Variants in FAM98C observed in about 807,000 individuals in gnomAD.
FAM98C encodes the protein protein FAM98C.
A neutral mutation model predicts 41.1 loss-of-function variants in FAM98C; 38 were observed. That is an observed-to-expected ratio of 0.92 (90% CI 0.71 to 1.21). FAM98C has a LOEUF of 1.21. Among genes scored for constraint, FAM98C ranks in the 50% most tolerant of loss-of-function variants. The probability of loss-of-function intolerance (pLI) is 0.00; values close to 1 mark genes in which losing one functional copy is unlikely to be tolerated. For synonymous variants in FAM98C, 195 were observed against 216.7 expected (o/e 0.90, Z 0.88); for missense variants, 493 against 484.7 (o/e 1.02, Z -0.16).
At position 38,405,004 on chromosome 19, in the gene FAM98C, AGGGAGCCGGCAT is replaced by A. The variant is rs1341763133; in HGVS notation, c.449_460del (p.Gly150_Met153del). ...CCACCCCTTGGTGAAGGGGTAGTGGAGGGAGCCGGCATGGTCCAAGAACTGGACCTTACCCTC... is the reference window on the plus strand; with the variant it reads ...CCACCCCTTGGTGAAGGGGTAGTGGAGGTCCAAGAACTGGACCTTACCCTC... On this transcript the variant is annotated inframe_deletion, in exon 4 of 8. Coordinates refer to ENST00000252530, the MANE Select transcript of FAM98C (RefSeq NM_174905.4). 2 of 1,614,012 alleles carry A rather than the reference AGGGAGCCGGCAT, an allele frequency of 1.2e-6. No individual in the cohort carries two copies. Among genetic ancestry groups the A allele is most frequent in the Non-Finnish European group, 1.7e-6 (2 of 1,180,022 alleles).
chr19:38,405,234 AC>A (rs1971022015), intron 4 of FAM98C, 109 bp from the exon 5 acceptor site: 2 of 1,501,886 alleles, frequency 1.3e-6, no homozygotes, highest in Non-Finnish European at 9.1e-7. Flanking sequence ...TGGAGCTGTG[AC>A]TGGCATTCTC....
At chr19:38,404,296 A>G (rs560244519) in intron 3 of FAM98C, among the ~76,000 whole-genome samples, 28 of 152,206 alleles carry the variant, frequency 1.8e-4, no homozygotes, top group African/African-American at 6.3e-4. Context: ...GTAGGAGGGG[A>G]CAGGGTCTCA....
chr19:38,403,390 A>G lies in FAM98C; in HGVS notation c.118A>G (p.Arg40Gly). 2 of 1,462,960 alleles carry G rather than the reference A, an allele frequency of 1.4e-6. No individual in the cohort carries two copies. Among genetic ancestry groups the G allele is most frequent in the Non-Finnish European group, 1.8e-6 (2 of 1,120,682 alleles). 90.6% of individuals were successfully genotyped at this position (1,462,960 alleles called of 1,614,324 possible). Residue 40 changes from arginine (R) to glycine (G), a missense_variant, in exon 2 of 8, where the codon AGG (arginine) becomes GGG (glycine). Coordinates refer to ENST00000252530, the MANE Select transcript of FAM98C (RefSeq NM_174905.4). Reference protein sequence around the residue: ...ASRGASCPDFRGLCVRLAAEL... With the variant: ...ASRGASCPDFGGLCVRLAAEL... ...GCGGGGCGCCTCATGCCCAGACTTC[A>G]GGGGGCTGTGCGTGCGGCTGGCGGC...
intron 3 of FAM98C, 129 bp downstream of exon 3, chr19:38,403,823 G>A (rs1307847101): frequency 3.6e-6 from 4 of 1,122,078 alleles, no homozygotes; most frequent in Non-Finnish European, 4.6e-6. Flanking sequence ...GTACGAGGTG[G>A]GTGGGGTGAG....
chr19:38,408,807 C>G lies in FAM98C; in HGVS notation c.975C>G (p.Pro325=). The G allele has an allele frequency of 6.2e-7, 1 of 1,613,518 alleles. No individual in the cohort carries two copies. The highest frequency in any genetic ancestry group is 8.5e-7 in the Non-Finnish European group (1 of 1,179,818). Residue 325 remains proline (P), a synonymous_variant, in exon 8 of 8, where the codon CCC becomes CCG. Transcript: ENST00000252530. ...RGGRPNELEP[P]MPTWRSRRED... ...GCCGCCCAAATGAGCTGGAGCCTCC[C>G]ATGCCCACCTGGAGGAGCCGAAGAG...
rs1330010226 is a variant in FAM98C at position 38,404,930 on chromosome 19, A to C, written c.372A>C (p.Gln124His). ...RLLRFLCSEL[Q>H]ATRLLCLRSL... ...CAGGCTTTCTCTGCTCAGAGCTCCA[A>C]GCCACCCGCCTCCTGTGCCTCCGCT... The change falls in exon 4 of 8, where the codon CAA (glutamine) becomes CAC (histidine). Residue 124 changes from glutamine to histidine, a missense_variant. Physicochemically the swap from Gln to His is conservative, Grantham distance 24. Coordinates refer to ENST00000252530, the MANE Select transcript of FAM98C (RefSeq NM_174905.4). The C allele has an allele frequency of 6.2e-7, 1 of 1,613,984 alleles. No homozygotes were observed. Among genetic ancestry groups the C allele is most frequent in the Non-Finnish European group, 8.5e-7 (1 of 1,180,024 alleles).
chr19:38,408,351 A>T (rs977721035), intron 7 of FAM98C: 1 of 169,392 alleles, frequency 5.9e-6, no homozygotes, highest in South Asian at 1.2e-4. Flanking sequence ...CAAGGTCAAG[A>T]GATCGAGACC....
Position 38,403,344 on chromosome 19 carries a change from A to G in FAM98C, c.72A>G (p.Gly24=), listed in dbSNP as rs761759274. 108 of 1,479,472 alleles carry G rather than the reference A, an allele frequency of 7.3e-5. No individual in the cohort carries two copies. The highest frequency in any genetic ancestry group is 8.9e-5 in the Non-Finnish European group (101 of 1,130,280). 91.6% of individuals were successfully genotyped at this position (1,479,472 alleles called of 1,614,324 possible). The part of the protein sequence containing the change: ...VAQDLLALGY[G]GVPGAASRGA... Reference sequence around the variant, plus strand: ...GCTGCCTCGGTCCCCACAGGTATGGAGGTGTCCCGGGGGCGGCGTCGCGGG... The same window carrying G: ...GCTGCCTCGGTCCCCACAGGTATGGGGGTGTCCCGGGGGCGGCGTCGCGGG... Residue 24 remains glycine, a synonymous_variant, in exon 2 of 8, where the codon GGA becomes GGG. Transcript: ENST00000252530.
At chr19:38,405,187 T>C in intron 4 of FAM98C, 74 bp downstream of exon 4, 1 of 1,542,000 alleles carries the variant, frequency 6.5e-7, no homozygotes. Flanking sequence ...TCTCTCCACT[T>C]CTGGAAGGAG....
intron 3 of FAM98C, 88 bp downstream of exon 3, chr19:38,403,782 G>T (rs1971001026): frequency 2.2e-6 from 3 of 1,337,182 alleles, no homozygotes; most frequent in Admixed American, 4.1e-5. Context: ...TTCCCAAGGG[G>T]TGTGGTCAGA....
intron 7 of FAM98C, chr19:38,408,433 C>G (rs1261480019): frequency 1.7e-5 from 5 of 286,332 alleles, no homozygotes; most frequent in South Asian, 1.6e-4. Flanking sequence ...GTGGCACGCA[C>G]CTGTAGTCCC....
At chr19:38,405,760 TA>T in intron 6 of FAM98C, 125 bp downstream of exon 6, 1 of 914,014 alleles carries the variant, frequency 1.1e-6, no homozygotes, top group East Asian at 2.6e-5. Context: ...GGACATTTTA[TA>T]ATTTTTTGAG....
intron 3 of FAM98C, 198 bp from the exon 4 acceptor site, chr19:38,404,710 T>C (rs2145174470): frequency 1.7e-6 from 1 of 596,548 alleles, no homozygotes; most frequent in South Asian, 1.8e-5. Context: ...TTTGTATTTT[T>C]AGTAGAGACA....
chr19:38,404,910 T>G lies in FAM98C; in HGVS notation c.352T>G (p.Phe118Val). ...EPGAGLRLLR[F>V]LCSELQATRL... The stretch of plus-strand genomic sequence containing the variant: ...CAGCACCCATTTATTACTTTCAGGC[T>G]TTCTCTGCTCAGAGCTCCAAGCCAC... The change falls in exon 4 of 8, where the codon TTT becomes GTT. Residue 118 changes from phenylalanine (F) to valine (V), a missense_variant and splice_region_variant. Physicochemically the swap from Phe to Val is conservative, Grantham distance 50 (BLOSUM62 -1). Coordinates refer to ENST00000252530, the MANE Select transcript of FAM98C (RefSeq NM_174905.4). The G allele has an allele frequency of 6.2e-7, 1 of 1,614,130 alleles. No individual in the cohort carries two copies. Among genetic ancestry groups the G allele is most frequent in the South Asian group, 1.1e-5 (1 of 91,080 alleles).
chr19:38,407,469 C>T (rs562043047), intron 7 of FAM98C: 7 of 178,932 alleles, frequency 3.9e-5, no homozygotes, highest in African/African-American at 1.6e-4. Flanking sequence ...CTCCCGGGTT[C>T]AAGCGATTCT....
Position 38,403,636 on chromosome 19 carries a change from C to G in FAM98C, c.291C>G (p.Leu97=). ...AGCTGCACTGCCCGGATCGCGCGCT[C>G]TGCGGCGGGGATGGCGCGGCTGCGC... is the stretch of plus-strand genomic sequence containing the variant. ...LRELHCPDRA[L]CGGDGAAALR... is the part of the protein sequence containing the mutation. Residue 97 remains leucine (L), a synonymous_variant, in exon 3 of 8, where the codon CTC becomes CTG. Coordinates refer to ENST00000252530, the MANE Select transcript of FAM98C (RefSeq NM_174905.4). 1 of 1,437,146 alleles carries G rather than the reference C, an allele frequency of 7.0e-7. No individual in the cohort carries two copies. Among genetic ancestry groups the G allele is most frequent in the Non-Finnish European group, 9.0e-7 (1 of 1,106,698 alleles). 89.0% of individuals were successfully genotyped at this position (1,437,146 alleles called of 1,614,324 possible).
Position 38,408,936 on chromosome 19 carries a change from G to A in FAM98C, c.*54G>A, listed in dbSNP as rs553897186. ...TCCTCCATGAGATGCTAATGCTATC[G>A]GTAATCTCTGGGGAGTCCGTTTAAG... On this transcript the variant is annotated 3_prime_UTR_variant, in exon 8 of 8. Coordinates refer to ENST00000252530, the MANE Select transcript of FAM98C (RefSeq NM_174905.4). The A allele has an allele frequency of 1.3e-3, 1,941 of 1,519,596 alleles. 1 individual carries two copies. Among genetic ancestry groups the A allele is most frequent in the Non-Finnish European group, 1.6e-3 (1,769 of 1,137,554 alleles). 94.1% of individuals were successfully genotyped at this position (1,519,596 alleles called of 1,614,324 possible).
chr19:38,405,656 T>C (rs1971029806), intron 6 of FAM98C, 21 bp downstream of exon 6: 4 of 1,612,476 alleles, frequency 2.5e-6, no homozygotes, highest in African/African-American at 1.3e-5. Flanking sequence ...CAGGGGACCA[T>C]GCAGAATTGG....
chr19:38,403,232 CGGTGAGGCT>C lies in FAM98C; in HGVS notation c.65+19_65+27del, dbSNP rs767623313. On this transcript the variant is annotated intron_variant, in intron 1 of 7. Coordinates refer to ENST00000252530, the MANE Select transcript of FAM98C (RefSeq NM_174905.4). ...GCTGGCTCTGGGGTAAAAGGGTGTG[CGGTGAGGCT>C]GGTGGGTGCAGGAAGGCCAGGTCTG... The C allele has an allele frequency of 5.0e-5, 78 of 1,558,694 alleles. 1 individual carries two copies. In the Middle Eastern group the frequency reaches 5.2e-3, roughly 104 times the overall value.
Sources: allele counts gnomAD v4.1 joint callset (sites outside exome capture counted in the v4.1 genomes callset), GRCh38; gene constraint gnomAD v4.1.1; transcripts MANE v1.5; gene names NCBI Gene and HGNC (gene_info 2026-07-23, HGNC 2026-07-21).